Variants in TCERG1L observed in about 807,000 individuals in gnomAD.
TCERG1L encodes transcription elongation regulator 1 like.
TCERG1L carries 37 observed loss-of-function variants against 56.3 expected under a neutral mutation model. The ratio of observed to expected loss-of-function variants is 0.66; its 90% confidence interval spans 0.51 to 0.87. The LOEUF is 0.87. Ranked by LOEUF, TCERG1L falls within the 40% of genes least tolerant of loss-of-function variation. The pLI is 0.00. For synonymous variants in TCERG1L, 324 were observed against 326.3 expected (o/e 0.99, Z 0.08); for missense variants, 799 against 774.2 (o/e 1.03, Z -0.38).
At chr10:131,185,573 G>A (rs1026366496) in intron 4 of TCERG1L, among the ~76,000 whole-genome samples, 1 of 152,092 alleles carries the variant, frequency 6.6e-6, no homozygotes, top group Non-Finnish European at 1.5e-5. Flanking sequence ...TTGAAAATGA[G>A]CAAATGACTC....
At chr10:131,176,542 C>G (rs796238812) in intron 4 of TCERG1L, among the ~76,000 whole-genome samples, 554 of 20,948 alleles carry the variant, frequency 0.026, no homozygotes, top group African/African-American at 0.16. Context: ...ACGTGTACAC[C>G]CACAGAGATA....
intron 4 of TCERG1L, among the ~76,000 whole-genome samples, chr10:131,205,548 C>T (rs1381189767): frequency 6.6e-6 from 1 of 152,200 alleles, no homozygotes; most frequent in Non-Finnish European, 1.5e-5. Context: ...ACAGGCTGAA[C>T]TTTTATTTAA....
At chr10:131,169,359 C>T (rs1400955138) in intron 4 of TCERG1L, among the ~76,000 whole-genome samples, 3 of 152,136 alleles carry the variant, frequency 2.0e-5, no homozygotes, top group East Asian at 1.9e-4. Context: ...CAGAAGCAGC[C>T]CCCTGACTGA....
At chr10:131,143,743 G>A (rs952322743) in intron 7 of TCERG1L, among the ~76,000 whole-genome samples, 11 of 152,092 alleles carry the variant, frequency 7.2e-5, no homozygotes, top group Non-Finnish European at 1.0e-4. Context: ...CCCGAGAACC[G>A]CATGGCACGG....
chr10:131,242,883 A>G (rs139343266), intron 4 of TCERG1L, among the ~76,000 whole-genome samples: 1 of 152,308 alleles, frequency 6.6e-6, no homozygotes, highest in East Asian at 1.9e-4. Flanking sequence ...AGCGAATATA[A>G]TTATGAACAC....
intron 4 of TCERG1L, among the ~76,000 whole-genome samples, chr10:131,213,161 G>A (rs558588140): frequency 6.6e-6 from 1 of 152,356 alleles, no homozygotes; most frequent in South Asian, 2.1e-4. Flanking sequence ...GCTATGTGGG[G>A]CCTCCCTCCC....
chr10:131,209,434 A>G (rs1845591826), intron 4 of TCERG1L, among the ~76,000 whole-genome samples: 1 of 149,302 alleles, frequency 6.7e-6, no homozygotes, highest in African/African-American at 2.4e-5. Flanking sequence ...TGTAATTATG[A>G]TTTAAAAATA....
At chr10:131,293,656 C>T (rs977309854) in intron 3 of TCERG1L, among the ~76,000 whole-genome samples, 1 of 152,110 alleles carries the variant, frequency 6.6e-6, no homozygotes, top group African/African-American at 2.4e-5. Context: ...CAATCTGTAC[C>T]CTTGGCCTGT....
rs536926651 is a variant in TCERG1L, at chr10:131,092,854, C to T, written c.*308G>A. On this transcript the variant is annotated 3_prime_UTR_variant, in exon 12 of 12. Coordinates refer to ENST00000368642, the MANE Select transcript of TCERG1L (RefSeq NM_174937.4). ...GCCTTGAGATTGTTACAGAGGCTCC[C>T]GTTCCTGCTTCCCCACAGTCCTGCA... 11 of 224,746 alleles carry T rather than the reference C, an allele frequency of 4.9e-5. No individual in the cohort carries two copies. Among genetic ancestry groups the T allele is most frequent in the East Asian group, 3.0e-4 (3 of 10,144 alleles). 13.9% of individuals were successfully genotyped at this position (224,746 alleles called of 1,614,324 possible).
In TCERG1L at chr10:131,129,468, G is replaced by A. The variant is rs570519124; in HGVS notation, c.1259+4911C>T. Among the ~76,000 whole-genome samples, 6 of 152,348 alleles carry A rather than the reference G, an allele frequency of 3.9e-5. No individual in the cohort carries two copies. In the South Asian group the frequency reaches 1.2e-3, roughly 32 times the overall value. ...TGAGCTGATGCTGGGAAATGAATGC[G>A]TGGAGGCGAACTGTGTTATTCCAGC... On this transcript the variant is annotated intron_variant, in intron 8 of 11. Transcript: ENST00000368642.
chr10:131,280,337 T>C (rs1846437554), intron 3 of TCERG1L, among the ~76,000 whole-genome samples: 1 of 151,420 alleles, frequency 6.6e-6, no homozygotes, highest in Non-Finnish European at 1.5e-5. Flanking sequence ...AGCTTGACTT[T>C]TCCCTTTAGC....
chr10:131,151,664 C>T (rs1023141957), intron 6 of TCERG1L, among the ~76,000 whole-genome samples: 9 of 152,152 alleles, frequency 5.9e-5, no homozygotes, highest in African/African-American at 2.2e-4. Context: ...AGGACAATGG[C>T]CTTCTTCTCA....
intron 6 of TCERG1L, among the ~76,000 whole-genome samples, chr10:131,158,919 C>T (rs1291509911): frequency 2.0e-5 from 3 of 152,200 alleles, no homozygotes; most frequent in Non-Finnish European, 2.9e-5. Flanking sequence ...CATGCCTGCT[C>T]ACCCCGCCAC....
intron 6 of TCERG1L, among the ~76,000 whole-genome samples, chr10:131,155,374 G>A (rs1417965229): frequency 3.9e-5 from 6 of 152,322 alleles, no homozygotes; most frequent in East Asian, 3.9e-4. Flanking sequence ...GAGTCCACTC[G>A]GGGCCCTGCC....
At chr10:131,277,619 G>C (rs1190451729) in intron 3 of TCERG1L, among the ~76,000 whole-genome samples, 1 of 152,210 alleles carries the variant, frequency 6.6e-6, no homozygotes, top group Non-Finnish European at 1.5e-5. Flanking sequence ...TTCTCGTCTG[G>C]GGAGCAGACC....
At chr10:131,307,627 T>C (rs1308878104) in intron 3 of TCERG1L, among the ~76,000 whole-genome samples, 1 of 152,206 alleles carries the variant, frequency 6.6e-6, no homozygotes, top group Non-Finnish European at 1.5e-5. Flanking sequence ...CCTGTTACTA[T>C]ATAGGTTTAT....
At chr10:131,255,004 G>A (rs1162672600) in intron 4 of TCERG1L, among the ~76,000 whole-genome samples, 1 of 151,936 alleles carries the variant, frequency 6.6e-6, no homozygotes, top group East Asian at 1.9e-4. Flanking sequence ...GGCTGGAGAC[G>A]GCCTCATTCT....
At chr10:131,119,256 A>C (rs565453579) in intron 8 of TCERG1L, among the ~76,000 whole-genome samples, 3 of 152,184 alleles carry the variant, frequency 2.0e-5, no homozygotes, top group Non-Finnish European at 2.9e-5. Flanking sequence ...AGAGGTTTTC[A>C]TTCACAGGGG....
chr10:131,135,298 A>G (rs1337983170), intron 7 of TCERG1L, among the ~76,000 whole-genome samples: 1 of 152,124 alleles, frequency 6.6e-6, no homozygotes, highest in Non-Finnish European at 1.5e-5. Context: ...GCTTCCCTCC[A>G]TCTTCCCATC....
Sources: gnomAD v4.1 joint callset for allele counts (sites outside exome capture counted in the v4.1 genomes callset) on GRCh38, gnomAD v4.1.1 for gene constraint, MANE v1.5 for transcripts, NCBI Gene and HGNC (gene_info 2026-07-23, HGNC 2026-07-21) for gene names.